Variants in SPAG16 observed in about 807,000 individuals in gnomAD.
SPAG16 encodes sperm-associated antigen 16 protein.
SPAG16 carries 86 observed loss-of-function variants against 80.4 expected under a neutral mutation model. The observed-to-expected ratio is 1.07, with a 90% CI of 0.90 to 1.28. The LOEUF is 1.28. Among genes scored for constraint, SPAG16 ranks in the 50% most tolerant of loss-of-function variants. The pLI is 0.00. For missense variants in SPAG16, 870 were observed against 765.3 expected (o/e 1.14, Z -1.61); for synonymous variants, 294 against 265.9 (o/e 1.11, Z -1.03).
chr2:213,401,828 A>G (rs553260116), intron 9 of SPAG16, among the ~76,000 whole-genome samples: 4 of 152,122 alleles, frequency 2.6e-5, no homozygotes, highest in African/African-American at 9.6e-5. Context: ...TCCTTGCTTT[A>G]TAATACATTG....
intron 10 of SPAG16, among the ~76,000 whole-genome samples, chr2:213,779,787 G>A (rs752683137): frequency 6.6e-6 from 1 of 152,168 alleles, no homozygotes; most frequent in Admixed American, 6.5e-5. Context: ...GAATCATAAC[G>A]ATGATGTAAG....
chr2:214,064,447 C>T (rs995124975), intron 13 of SPAG16, among the ~76,000 whole-genome samples: 3 of 151,804 alleles, frequency 2.0e-5, no homozygotes, highest in Non-Finnish European at 4.4e-5. Context: ...TTGGAGGTCC[C>T]CTTTGTAAAA....
chr2:213,319,843 G>A (rs1001938133), intron 5 of SPAG16, among the ~76,000 whole-genome samples: 1 of 151,954 alleles, frequency 6.6e-6, no homozygotes, highest in African/African-American at 2.4e-5. Flanking sequence ...TTAACTTAAT[G>A]TTAAAAGAAG....
intron 15 of SPAG16, among the ~76,000 whole-genome samples, chr2:214,205,164 C>G (rs2058106789): frequency 6.6e-6 from 1 of 151,910 alleles, no homozygotes; most frequent in South Asian, 2.1e-4. Flanking sequence ...GTGGAGGTTG[C>G]AGTGAGCCAA....
intron 11 of SPAG16, among the ~76,000 whole-genome samples, chr2:213,866,087 CTTTAGCAGT>C (rs2075669743): frequency 6.6e-6 from 1 of 151,294 alleles, no homozygotes; most frequent in Non-Finnish European, 1.5e-5. Context: ...GCATGCCCAT[CTTTAGCAGT>C]TTTATGAGTG....
intron 14 of SPAG16, among the ~76,000 whole-genome samples, chr2:214,110,187 C>A (rs997180986): frequency 3.9e-5 from 6 of 152,050 alleles, no homozygotes; most frequent in African/African-American, 1.4e-4. Context: ...ATGTGCACAA[C>A]ATGCAGGTTT....
At chr2:213,284,793 T>C in intron 1 of SPAG16, 174 bp downstream of exon 1, 1 of 966,080 alleles carries the variant, frequency 1.0e-6, no homozygotes, top group Non-Finnish European at 1.5e-6. Context: ...AGCCACTCAC[T>C]GAATTTCTCG....
At chr2:213,349,663 A>G (rs1185740695) in intron 6 of SPAG16, among the ~76,000 whole-genome samples, 4 of 152,320 alleles carry the variant, frequency 2.6e-5, no homozygotes, top group African/African-American at 7.2e-5. Context: ...TCAGCAAAAT[A>G]TTGGATAACC....
chr2:214,097,812 A>G (rs1201996650), intron 13 of SPAG16, among the ~76,000 whole-genome samples: 1 of 152,112 alleles, frequency 6.6e-6, no homozygotes, highest in Non-Finnish European at 1.5e-5. Context: ...CAATCTGCAT[A>G]TTATGACTAT....
intron 10 of SPAG16, among the ~76,000 whole-genome samples, chr2:213,757,265 G>A (rs1575050955): frequency 6.6e-6 from 1 of 151,758 alleles, no homozygotes; most frequent in Admixed American, 6.6e-5. Flanking sequence ...ACTTAATATT[G>A]TTGTCCATAC....
chr2:213,813,172 A>G (rs2072288196), intron 10 of SPAG16, among the ~76,000 whole-genome samples: 2 of 152,222 alleles, frequency 1.3e-5, no homozygotes, highest in African/African-American at 4.8e-5. Flanking sequence ...GAAGTCACAA[A>G]AAAATAGATG....
At chr2:213,452,579 A>C (rs2071764129) in intron 9 of SPAG16, among the ~76,000 whole-genome samples, 1 of 152,238 alleles carries the variant, frequency 6.6e-6, no homozygotes, top group Non-Finnish European at 1.5e-5. Flanking sequence ...CTCAGGAAAC[A>C]GAGTGATCTA....
chr2:213,317,304 A>G lies in SPAG16; in HGVS notation c.484A>G (p.Asn162Asp). The G allele has an allele frequency of 6.2e-7, 1 of 1,611,480 alleles. No homozygotes were observed. The highest frequency in any genetic ancestry group is 1.7e-4 in the Middle Eastern group (1 of 6,044). Residue 162 changes from asparagine to aspartate, a missense_variant, in exon 5 of 16, where the codon AAT (asparagine) becomes GAT (aspartate). Asn to Asp is a conservative substitution (Grantham distance 23). Coordinates refer to ENST00000331683, the MANE Select transcript of SPAG16 (RefSeq NM_024532.5). ...CTACACCCAGATTATGCTTTTGGAA[A>G]ATGAGAACAAAAATTTAAAGAAAGA... ...DVYTQIMLLENENKNLKKDLK... is the reference protein window; with the variant it reads ...DVYTQIMLLEDENKNLKKDLK...
chr2:214,369,274 G>T (rs1182104196), intron 15 of SPAG16, among the ~76,000 whole-genome samples: 1 of 151,894 alleles, frequency 6.6e-6, no homozygotes, highest in African/African-American at 2.4e-5. Flanking sequence ...TCAACTTAAA[G>T]ACTGTATATG....
chr2:213,325,123 C>T (rs1389516330), intron 5 of SPAG16, among the ~76,000 whole-genome samples: 4 of 151,926 alleles, frequency 2.6e-5, no homozygotes, highest in African/African-American at 9.7e-5. Context: ...TTTGTATATT[C>T]TGGATATAAG....
intron 13 of SPAG16, among the ~76,000 whole-genome samples, chr2:214,104,269 G>T (rs188929837): frequency 6.6e-6 from 1 of 152,276 alleles, no homozygotes; most frequent in East Asian, 1.9e-4. Flanking sequence ...GACAAGAGCC[G>T]AACAATACAG....
chr2:213,354,330 G>T (rs1247391301), intron 7 of SPAG16, among the ~76,000 whole-genome samples: 3 of 152,052 alleles, frequency 2.0e-5, no homozygotes, highest in African/African-American at 7.2e-5. Flanking sequence ...TATTGTGAAC[G>T]GTGCCGCAAT....
At chr2:214,336,322 C>A (rs974061221) in intron 15 of SPAG16, among the ~76,000 whole-genome samples, 1 of 152,088 alleles carries the variant, frequency 6.6e-6, no homozygotes. Flanking sequence ...CCCTTTGGAG[C>A]ATAATCCAGT....
intron 15 of SPAG16, among the ~76,000 whole-genome samples, chr2:214,351,528 C>A (rs1028459324): frequency 3.3e-5 from 3 of 91,696 alleles, no homozygotes; most frequent in African/African-American, 7.9e-5. Context: ...GGTGAAACCC[C>A]GTTTCTACTA....
Sources: allele counts gnomAD v4.1 joint callset (sites outside exome capture counted in the v4.1 genomes callset), GRCh38; gene constraint gnomAD v4.1.1; transcripts MANE v1.5; gene names NCBI Gene and HGNC (gene_info 2026-07-23, HGNC 2026-07-21).